The following MTMR4 variants were observed in gnomAD, a reference collection of about 807,000 sequenced individuals.
MTMR4 encodes the protein phosphatidylinositol-3,5-bisphosphate 3-phosphatase MTMR4.
In MTMR4, 30 loss-of-function variants were observed where a neutral mutation model predicts 125.5. The ratio of observed to expected loss-of-function variants is 0.24; its 90% CI spans 0.18 to 0.32. MTMR4 has a LOEUF of 0.32. MTMR4 is among the 10% of genes least tolerant of loss of function. The pLI, the probability that MTMR4 is intolerant of heterozygous loss-of-function variation, is 1.00. For synonymous variants in MTMR4, 498 were observed against 564.5 expected, an observed-to-expected ratio of 0.88 and a Z score of 1.67; for missense variants, 1,039 against 1,511.5, an observed-to-expected ratio of 0.69 and a Z score of 5.18.
At chr17:58,510,169 C>T (rs935307333) in intron 4 of MTMR4, among the ~76,000 whole-genome samples, 1 of 152,188 alleles carries the variant, frequency 6.6e-6, no homozygotes, top group Non-Finnish European at 1.5e-5. Context: ...TCACATCACT[C>T]CTTTGCTCAA....
Position 58,495,199 on chromosome 17 carries a change from C to T in MTMR4, c.2985G>A (p.Met995Ile), listed in dbSNP as rs750985607. ...CTTGCTTTGGATGACTGGACAACCACATCTGGTTCTTTCCTCCTGGGCCAG... is the reference window on the plus strand; with the variant it reads ...CTTGCTTTGGATGACTGGACAACCATATCTGGTTCTTTCCTCCTGGGCCAG... The part of the protein sequence containing the change: ...HCTGPGGKNQ[M>I]WLSSHPKQVS... The change falls in exon 15 of 18, where the codon ATG becomes ATA. Residue 995 changes from methionine (M) to isoleucine (I), a missense_variant. Met to Ile is a conservative substitution (Grantham distance 10, BLOSUM62 1). Around this residue, in one of 6 missense-constraint regions of MTMR4, gnomAD observed 619 missense variants for 714.5 expected, o/e 0.87. Coordinates refer to ENST00000682306, the MANE Select transcript of MTMR4 (RefSeq NM_001378067.1). The T allele has an allele frequency of 1.2e-6, 2 of 1,614,242 alleles. No homozygotes were observed. The highest frequency in any genetic ancestry group is 1.7e-5 in the Admixed American group (1 of 60,026).
At chr17:58,503,954 T>C in intron 13 of MTMR4, 56 bp from the exon 14 acceptor site, 3 of 1,576,956 alleles carry the variant, frequency 1.9e-6, no homozygotes, top group Non-Finnish European at 2.6e-6. Flanking sequence ...CCTTTTTCTT[T>C]CCCTAAGCCC....
At chr17:58,499,290 T>C (rs1975556523) in intron 14 of MTMR4, among the ~76,000 whole-genome samples, 1 of 150,926 alleles carries the variant, frequency 6.6e-6, no homozygotes, top group African/African-American at 2.4e-5. Context: ...CTCACACCTA[T>C]AATCCTAGCA....
intron 14 of MTMR4, among the ~76,000 whole-genome samples, chr17:58,498,366 G>C (rs537589603): frequency 6.6e-6 from 1 of 151,734 alleles, no homozygotes; most frequent in Non-Finnish European, 1.5e-5. Flanking sequence ...TGTTGACAGA[G>C]ATAATAATAC....
intron 14 of MTMR4, among the ~76,000 whole-genome samples, chr17:58,496,850 A>G (rs961087996): frequency 1.3e-5 from 2 of 152,222 alleles, no homozygotes; most frequent in African/African-American, 2.4e-5. Context: ...CAATGATGAT[A>G]ATAAATCATA....
intron 14 of MTMR4, among the ~76,000 whole-genome samples, chr17:58,497,855 G>A (rs994048096): frequency 1.3e-5 from 2 of 152,176 alleles, no homozygotes; most frequent in Non-Finnish European, 2.9e-5. Context: ...TGGGGCCTAG[G>A]GATCTGTATT....
intron 14 of MTMR4, among the ~76,000 whole-genome samples, chr17:58,498,145 C>T (rs562334167): frequency 1.3e-5 from 2 of 152,124 alleles, no homozygotes; most frequent in South Asian, 2.1e-4. Context: ...GCATGAGAAT[C>T]GCTTGAACCT....
upstream of MTMR4, among the ~76,000 whole-genome samples, chr17:58,518,688 C>G (rs1176486706): frequency 6.6e-6 from 1 of 152,200 alleles, no homozygotes; most frequent in Non-Finnish European, 1.5e-5. Flanking sequence ...CCAGGACGCT[C>G]CCAAGGACCC....
upstream of MTMR4, chr17:58,514,894 C>G (rs895356311): frequency 8.3e-6 from 5 of 601,552 alleles, no homozygotes; most frequent in Non-Finnish European, 1.0e-5. Flanking sequence ...CGCGCCCCCT[C>G]CCCTAAGTTC....
rs771035019 is a variant in MTMR4, at chr17:58,496,268, G to C, written c.1916C>G (p.Thr639Ser). 1.9e-6 allele frequency: 3 copies of C among 1,613,906 alleles called. No individual in the cohort carries two copies. The change falls in exon 15 of 18, where the codon ACT becomes AGT. Residue 639 changes from threonine to serine, a missense_variant. Around this residue, in one of 6 missense-constraint regions of MTMR4, gnomAD observed 619 missense variants for 714.5 expected, o/e 0.87. Coordinates refer to ENST00000682306, the MANE Select transcript of MTMR4 (RefSeq NM_001378067.1). ...LSACDTSSPL[T>S]RTSSDPNLNN... ...CAGGTTAGGGTCACTGGATGTACGA[G>C]TCAGGGGGCTGCTTGTGTCACAGGC... is the stretch of plus-strand genomic sequence containing the variant.
rs1420283420 is a variant in MTMR4 at position 58,512,130 on chromosome 17, T to C, written c.252+260A>G. Among the ~76,000 whole-genome samples, 1 of 152,018 alleles carries C rather than the reference T, an allele frequency of 6.6e-6. No individual in the cohort carries two copies. Among genetic ancestry groups the C allele is most frequent in the Non-Finnish European group, 1.5e-5 (1 of 67,992 alleles). On this transcript the variant is annotated intron_variant, in intron 3 of 17. Transcript: ENST00000682306. This position sits in a 1 kb window ranked among gnomAD's most constrained non-coding sequence, Gnocchi z 4.1. Reference sequence around the variant, plus strand: ...GCCCCCGAGTAGGTGGGATTACAGGTGCGCACCACCAAGCCCGACTAATTT... The same window carrying C: ...GCCCCCGAGTAGGTGGGATTACAGGCGCGCACCACCAAGCCCGACTAATTT...
rs1328980235 is a variant in MTMR4, at chr17:58,514,559, G to A, written c.-152C>T. ...GCGCTGGTGGCCGGGCCTCCGCGCG[G>A]CTCCCGCGCGCCTCTCCCCTCCTCT... is the stretch of plus-strand genomic sequence containing the variant. On this transcript the variant is annotated 5_prime_UTR_variant, in exon 1 of 18. Coordinates refer to ENST00000682306, the MANE Select transcript of MTMR4 (RefSeq NM_001378067.1). 2 of 985,156 alleles carry A rather than the reference G, an allele frequency of 2.0e-6. No homozygotes were observed. Among genetic ancestry groups the A allele is most frequent in the Non-Finnish European group, 2.4e-6 (2 of 829,870 alleles). 61.0% of individuals were successfully genotyped at this position (985,156 alleles called of 1,614,324 possible).
intron 14 of MTMR4, among the ~76,000 whole-genome samples, chr17:58,497,784 TTC>T (rs1975511544): frequency 1.3e-5 from 2 of 152,232 alleles, no homozygotes; most frequent in Non-Finnish European, 2.9e-5. Context: ...TTAGTGGATC[TTC>T]TTAGACATCC....
chr17:58,501,438 A>C (rs1975625415), intron 14 of MTMR4, among the ~76,000 whole-genome samples: 1 of 152,038 alleles, frequency 6.6e-6, no homozygotes, highest in Non-Finnish European at 1.5e-5. Flanking sequence ...GGTTACTATA[A>C]TTGTGCCACT....
intron 9 of MTMR4, 33 bp downstream of exon 9, chr17:58,506,710 G>T: frequency 6.2e-7 from 1 of 1,608,356 alleles, no homozygotes; most frequent in South Asian, 1.1e-5. Flanking sequence ...CCAGAGCACA[G>T]GCTGGCTGCA....
Position 58,504,068 on chromosome 17 carries a change from G to T in MTMR4, c.1680C>A (p.Tyr560Ter), listed in dbSNP as rs773741863. Reference sequence around the variant, plus strand: ...GACTCACCATGTCTGAGCTGGGTGTGTAGAGGAAGTTATGAAAGTTTTTAT... The same window carrying T: ...GACTCACCATGTCTGAGCTGGGTGTTTAGAGGAAGTTATGAAAGTTTTTAT... ...AGNKNFHNFL[Y>*]TPSSDMVLHP... The change falls in exon 13 of 18, where the codon TAC (tyrosine) becomes TAA (stop). Residue 560 changes from tyrosine to a stop codon, truncating the protein, a stop_gained. Coordinates refer to ENST00000682306, the MANE Select transcript of MTMR4 (RefSeq NM_001378067.1). LOFTEE classifies it high-confidence loss of function. This position sits in a 1 kb window ranked among gnomAD's most constrained non-coding sequence, Gnocchi z 7.1. 1 of 1,570,040 alleles carries T rather than the reference G, an allele frequency of 6.4e-7. No individual in the cohort carries two copies.
chr17:58,515,340 G>A (rs1341953869), upstream of MTMR4, among the ~76,000 whole-genome samples: 1 of 152,196 alleles, frequency 6.6e-6, no homozygotes, highest in African/African-American at 2.4e-5. Context: ...CCAGGAATAA[G>A]GGGCTCAAAA....
upstream of MTMR4, among the ~76,000 whole-genome samples, chr17:58,515,877 C>T (rs1449556532): frequency 1.3e-5 from 2 of 152,230 alleles, no homozygotes; most frequent in East Asian, 1.9e-4. Flanking sequence ...AGAGATACTA[C>T]CAGGTTAAGG....
chr17:58,500,152 G>T (rs959094835), intron 14 of MTMR4, among the ~76,000 whole-genome samples: 1 of 151,582 alleles, frequency 6.6e-6, no homozygotes, highest in Non-Finnish European at 1.5e-5. Context: ...TTTGAGACAA[G>T]GTCTCGCTGT....
Sources: allele counts gnomAD v4.1 joint callset (sites outside exome capture counted in the v4.1 genomes callset), GRCh38; gene constraint gnomAD v4.1.1; regional missense constraint gnomAD v4.1.1; non-coding constraint Gnocchi (gnomAD v3.1); transcripts MANE v1.5; gene names NCBI Gene and HGNC (gene_info 2026-07-23, HGNC 2026-07-21).